The following NXPH1 variants were observed in gnomAD, a reference collection of about 807,000 sequenced individuals.
The protein encoded by NXPH1 is neurexophilin-1.
Under a neutral mutation model 23.7 loss-of-function variants are expected in NXPH1, and 5 were observed. That is an observed-to-expected ratio of 0.21 (90% CI 0.11 to 0.44). The LOEUF (loss-of-function observed/expected upper bound fraction) is 0.44, where lower values mean the gene tolerates loss of function less well. Ranked by LOEUF, NXPH1 falls within the 20% of genes least tolerant of loss-of-function variation. The probability of loss-of-function intolerance (pLI) is 0.99; values close to 1 mark genes in which losing one functional copy is unlikely to be tolerated. For synonymous variants in NXPH1, 144 were observed against 122.2 expected (o/e 1.18, Z -1.18); for missense variants, 324 against 321.6 (o/e 1.01, Z -0.06).
intron 2 of NXPH1, among the ~76,000 whole-genome samples, chr7:8,659,591 G>A (rs1820638149): frequency 6.6e-6 from 1 of 152,104 alleles, no homozygotes; most frequent in Admixed American, 6.5e-5. Context: ...GTGGGGTGGG[G>A]GCAGTGGGGA....
chr7:8,750,957 G>A, intron 2 of NXPH1, 51 bp from the exon 3 acceptor site: 1 of 1,549,586 alleles, frequency 6.5e-7, no homozygotes, highest in East Asian at 2.2e-5. Context: ...TGCATTGGGT[G>A]TTATTCTCAG....
At chr7:8,710,556 T>C (rs1476315344) in intron 2 of NXPH1, among the ~76,000 whole-genome samples, 1 of 151,034 alleles carries the variant, frequency 6.6e-6, no homozygotes, top group Non-Finnish European at 1.5e-5. Flanking sequence ...TCAAATGACA[T>C]TGAAGGCCAA....
intron 2 of NXPH1, among the ~76,000 whole-genome samples, chr7:8,544,182 C>T (rs550441357): frequency 1.3e-5 from 2 of 151,696 alleles, no homozygotes; most frequent in African/African-American, 4.8e-5. Context: ...TGACTAAAAA[C>T]TTTATGTCAC....
chr7:8,739,160 C>A (rs1780315275), intron 2 of NXPH1, among the ~76,000 whole-genome samples: 1 of 113,298 alleles, frequency 8.8e-6, no homozygotes, highest in African/African-American at 3.5e-5. Flanking sequence ...GAGTTCCAGG[C>A]ACCAGTGGGG....
chr7:8,707,603 CTCA>C (rs1188653605), intron 2 of NXPH1, among the ~76,000 whole-genome samples: 1 of 151,892 alleles, frequency 6.6e-6, no homozygotes, highest in East Asian at 1.9e-4. Context: ...TATATATATA[CTCA>C]TCATCTCATA....
At chr7:8,704,250 G>T in intron 2 of NXPH1, among the ~76,000 whole-genome samples, 1 of 152,026 alleles carries the variant, frequency 6.6e-6, no homozygotes, top group East Asian at 1.9e-4. Context: ...AATTCAATGA[G>T]GTTGAAATCC....
At chr7:8,583,970 C>T (rs1225806174) in intron 2 of NXPH1, among the ~76,000 whole-genome samples, 2 of 152,186 alleles carry the variant, frequency 1.3e-5, no homozygotes, top group Non-Finnish European at 2.9e-5. Context: ...TGGTCTCTCA[C>T]AGAAAATTTA....
intron 2 of NXPH1, among the ~76,000 whole-genome samples, chr7:8,475,083 G>A (rs1816946920): frequency 6.6e-6 from 1 of 152,098 alleles, no homozygotes; most frequent in Non-Finnish European, 1.5e-5. Context: ...TGGGAAGAGG[G>A]TGTTGAGAAC....
chr7:8,675,063 C>G (rs978022044), intron 2 of NXPH1, among the ~76,000 whole-genome samples: 1 of 152,092 alleles, frequency 6.6e-6, no homozygotes, highest in Non-Finnish European at 1.5e-5. Flanking sequence ...TAAAATAGAA[C>G]AAGGGGTAGG....
At chr7:8,671,164 T>A (rs1186330532) in intron 2 of NXPH1, among the ~76,000 whole-genome samples, 8 of 152,224 alleles carry the variant, frequency 5.3e-5, no homozygotes, top group Non-Finnish European at 1.2e-4. Context: ...ACATATGCTA[T>A]TTTTGTGTGT....
At chr7:8,598,319 C>T (rs185753463) in intron 2 of NXPH1, among the ~76,000 whole-genome samples, 8 of 152,210 alleles carry the variant, frequency 5.3e-5, no homozygotes, top group Non-Finnish European at 1.0e-4. Flanking sequence ...TTATAATTCA[C>T]CCCGTCTCAA....
intron 2 of NXPH1, among the ~76,000 whole-genome samples, chr7:8,466,915 C>T (rs1201366358): frequency 6.6e-6 from 1 of 152,022 alleles, no homozygotes; most frequent in Non-Finnish European, 1.5e-5. Context: ...TGGACTCTAC[C>T]ACTTGCTAAC....
intron 2 of NXPH1, among the ~76,000 whole-genome samples, chr7:8,465,951 G>C (rs1290405902): frequency 6.6e-6 from 1 of 152,154 alleles, no homozygotes; most frequent in African/African-American, 2.4e-5. Flanking sequence ...CTCTAATTCA[G>C]AGGATAGGGC....
intron 2 of NXPH1, among the ~76,000 whole-genome samples, chr7:8,617,612 T>A (rs945110512): frequency 6.6e-6 from 1 of 151,984 alleles, no homozygotes; most frequent in African/African-American, 2.4e-5. Context: ...ATCAAAACAA[T>A]TGAACTAGTG....
intron 2 of NXPH1, among the ~76,000 whole-genome samples, chr7:8,570,506 C>T (rs1216756109): frequency 6.6e-6 from 1 of 151,976 alleles, no homozygotes; most frequent in Admixed American, 6.6e-5. Context: ...CTATAGTAAT[C>T]AGCATATGTA....
intron 2 of NXPH1, among the ~76,000 whole-genome samples, chr7:8,533,461 G>A (rs918603717): frequency 4.6e-5 from 7 of 152,008 alleles, no homozygotes; most frequent in Non-Finnish European, 7.4e-5. Context: ...TCAACATTAG[G>A]TGACATATAG....
intron 2 of NXPH1, among the ~76,000 whole-genome samples, chr7:8,679,451 TTTTAA>T (rs1458930333): frequency 3.3e-5 from 5 of 152,184 alleles, no homozygotes; most frequent in Non-Finnish European, 7.3e-5. Context: ...CCAGGATGTT[TTTTAA>T]TTAATGTAAC....
At chr7:8,625,698 A>G (rs1049019246) in intron 2 of NXPH1, among the ~76,000 whole-genome samples, 2 of 152,122 alleles carry the variant, frequency 1.3e-5, no homozygotes, top group Non-Finnish European at 2.9e-5. Flanking sequence ...GCTCATCACC[A>G]GTTTTCTTAA....
At chr7:8,609,714 A>C (rs1819575377) in intron 2 of NXPH1, among the ~76,000 whole-genome samples, 1 of 152,166 alleles carries the variant, frequency 6.6e-6, no homozygotes, top group African/African-American at 2.4e-5. Flanking sequence ...GTGAGCAAAG[A>C]ATGATCTCAA....
Sources: allele counts gnomAD v4.1 joint callset (sites outside exome capture counted in the v4.1 genomes callset), GRCh38; gene constraint gnomAD v4.1.1; transcripts MANE v1.5; gene names NCBI Gene and HGNC (gene_info 2026-07-23, HGNC 2026-07-21).